CNTN5: variants seen among roughly 807,000 people sequenced by gnomAD.
CNTN5 encodes the protein contactin-5.
CNTN5 carries 77 observed loss-of-function variants against 129.1 expected under a neutral mutation model. That is an observed-to-expected ratio of 0.60 (90% CI 0.50 to 0.72). The LOEUF is 0.72. Among genes scored for constraint, CNTN5 ranks in the 30% least tolerant of loss-of-function variants. The pLI is 0.00. For synonymous variants in CNTN5, 509 were observed against 465.6 expected, an observed-to-expected ratio of 1.09 and a Z score of -1.20; for missense variants, 1,478 against 1,328.8, an observed-to-expected ratio of 1.11 and a Z score of -1.75.
At chr11:100,023,339 T>A (rs537381582) in intron 9 of CNTN5, among the ~76,000 whole-genome samples, 22 of 152,312 alleles carry the variant, frequency 1.4e-4, no homozygotes, top group African/African-American at 4.8e-4. Context: ...AGGATTTTTT[T>A]AAAAAGAACT....
chr11:99,675,876 G>T (rs1193898857), intron 3 of CNTN5, among the ~76,000 whole-genome samples: 1 of 152,080 alleles, frequency 6.6e-6, no homozygotes, highest in East Asian at 1.9e-4. Context: ...TTGCAAAAAG[G>T]AAACAATTGT....
intron 6 of CNTN5, among the ~76,000 whole-genome samples, chr11:99,896,002 C>A (rs1949196454): frequency 6.6e-6 from 1 of 152,182 alleles, no homozygotes; most frequent in South Asian, 2.1e-4. Context: ...CCCAGCACAG[C>A]CTCCCTGAAT....
chr11:99,094,992 T>A (rs1416783002), intron 1 of CNTN5, among the ~76,000 whole-genome samples: 4 of 151,926 alleles, frequency 2.6e-5, no homozygotes, highest in African/African-American at 4.8e-5. Context: ...TATCTTTTTT[T>A]AAAATTATAC....
At chr11:100,291,300 C>T (rs1490402047) in intron 18 of CNTN5, among the ~76,000 whole-genome samples, 2 of 151,990 alleles carry the variant, frequency 1.3e-5, no homozygotes, top group African/African-American at 4.8e-5. Flanking sequence ...TATAAAGACA[C>T]ATGCACACGT....
intron 9 of CNTN5, among the ~76,000 whole-genome samples, chr11:100,060,229 A>G (rs1404144363): frequency 6.6e-6 from 1 of 151,796 alleles, no homozygotes; most frequent in Non-Finnish European, 1.5e-5. Context: ...AAAAAAAAAA[A>G]AAGAAAAACC....
At chr11:99,545,834 G>A (rs984424476) in intron 2 of CNTN5, among the ~76,000 whole-genome samples, 6 of 152,124 alleles carry the variant, frequency 3.9e-5, no homozygotes, top group South Asian at 2.1e-4. Flanking sequence ...CCCCTTTTCC[G>A]TAAGTTGCAC....
chr11:99,692,092 G>C (rs1197036012), intron 3 of CNTN5, among the ~76,000 whole-genome samples: 1 of 151,936 alleles, frequency 6.6e-6, no homozygotes, highest in Non-Finnish European at 1.5e-5. Flanking sequence ...CCATTTGCTT[G>C]GTAAATTTTC....
At chr11:99,928,554 G>T (rs760179807) in intron 7 of CNTN5, among the ~76,000 whole-genome samples, 4 of 152,178 alleles carry the variant, frequency 2.6e-5, no homozygotes, top group African/African-American at 4.8e-5. Flanking sequence ...CAAAGTGTGG[G>T]GCTTGCACCC....
chr11:99,781,137 T>C (rs1273716277), intron 3 of CNTN5, among the ~76,000 whole-genome samples: 1 of 151,976 alleles, frequency 6.6e-6, no homozygotes, highest in Non-Finnish European at 1.5e-5. Flanking sequence ...CATTTAAGAA[T>C]CAAATAGCAC....
At chr11:99,809,371 C>A (rs537064749) in intron 3 of CNTN5, among the ~76,000 whole-genome samples, 29 of 152,162 alleles carry the variant, frequency 1.9e-4, no homozygotes, top group Admixed American at 1.6e-3. Context: ...ATAAGAACTC[C>A]TTGAAGGCAA....
chr11:99,154,060 C>T (rs1860211322), intron 1 of CNTN5, among the ~76,000 whole-genome samples: 1 of 152,142 alleles, frequency 6.6e-6, no homozygotes, highest in Non-Finnish European at 1.5e-5. Flanking sequence ...GACGAAAACA[C>T]TCCGATGGAT....
intron 8 of CNTN5, among the ~76,000 whole-genome samples, chr11:99,961,302 G>A (rs1950941649): frequency 6.6e-6 from 1 of 151,820 alleles, no homozygotes; most frequent in Admixed American, 6.6e-5. Flanking sequence ...TAAACATGGT[G>A]GACTGGATGC....
intron 1 of CNTN5, among the ~76,000 whole-genome samples, chr11:99,118,714 G>C (rs1355330593): frequency 6.6e-6 from 1 of 151,862 alleles, no homozygotes; most frequent in Non-Finnish European, 1.5e-5. Flanking sequence ...CTAACACATA[G>C]AAGTAAATTA....
intron 3 of CNTN5, among the ~76,000 whole-genome samples, chr11:99,745,592 C>G (rs1319343151): frequency 6.6e-6 from 1 of 152,032 alleles, no homozygotes; most frequent in East Asian, 1.9e-4. Flanking sequence ...TTTATTTAGG[C>G]TTAGATGCAA....
rs1413847749 is a variant in CNTN5 at position 100,074,130 on chromosome 11, T to G, written c.1430-14T>G. The G allele has an allele frequency of 1.2e-6, 2 of 1,603,994 alleles. No homozygotes were observed. The highest frequency in any genetic ancestry group is 2.7e-5 in the African/African-American group (2 of 74,002). On this transcript the variant is annotated splice_polypyrimidine_tract_variant and intron_variant, in intron 12 of 24. Transcript: ENST00000524871. ...ATTGCTTCTGGTAGAAACTAACATT[T>G]GCTTTTTTAATAGCTTCAGCTCCCA...
chr11:99,149,033 A>T (rs1288831492), intron 1 of CNTN5, among the ~76,000 whole-genome samples: 2 of 152,186 alleles, frequency 1.3e-5, no homozygotes, highest in Non-Finnish European at 2.9e-5. Flanking sequence ...TAATAAGGAA[A>T]ATGGCAGAGA....
chr11:100,155,248 G>T (rs537522845), intron 13 of CNTN5, among the ~76,000 whole-genome samples: 167 of 152,270 alleles, frequency 1.1e-3, no homozygotes, highest in African/African-American at 3.2e-3. Context: ...TGGCTATCCA[G>T]TTTTCCCAAC....
intron 2 of CNTN5, among the ~76,000 whole-genome samples, chr11:99,449,584 A>G (rs1422011019): frequency 6.6e-6 from 1 of 152,180 alleles, no homozygotes; most frequent in African/African-American, 2.4e-5. Flanking sequence ...ATAATTTATT[A>G]TTTCTCATGA....
At chr11:99,852,583 G>A (rs1482488609) in intron 6 of CNTN5, among the ~76,000 whole-genome samples, 1 of 152,116 alleles carries the variant, frequency 6.6e-6, no homozygotes, top group African/African-American at 2.4e-5. Context: ...AAATTTGCAA[G>A]TTTTTTTAAT....
Sources: gnomAD v4.1 joint callset for allele counts (sites outside exome capture counted in the v4.1 genomes callset) on GRCh38, gnomAD v4.1.1 for gene constraint, MANE v1.5 for transcripts, NCBI Gene and HGNC (gene_info 2026-07-23, HGNC 2026-07-21) for gene names.